CCDC144A: variants seen among roughly 807,000 people sequenced by gnomAD.
CCDC144A encodes coiled-coil domain containing 144A, also known as coiled-coil domain-containing protein 144A.
A neutral mutation model predicts 143.8 loss-of-function variants in CCDC144A; 41 were observed. The ratio of observed to expected loss-of-function variants is 0.29; its 90% CI spans 0.22 to 0.37. CCDC144A has a LOEUF of 0.37. CCDC144A is among the 10% of genes least tolerant of loss of function. The pLI is 1.00. For synonymous variants in CCDC144A, 242 were observed against 517.9 expected, an observed-to-expected ratio of 0.47 and a Z score of 7.23; for missense variants, 637 against 1,488.8, an observed-to-expected ratio of 0.43 and a Z score of 9.41.
At position 16,737,437 on chromosome 17, in the gene CCDC144A, A is replaced by G. The variant is rs574960787; in HGVS notation, c.3372+1794A>G. 529 of 1,214,860 alleles carry G rather than the reference A, an allele frequency of 4.4e-4. 4 individuals carry two copies. The highest frequency in any genetic ancestry group is 1.8e-3 in the East Asian group (31 of 17,432). 75.3% of individuals were successfully genotyped at this position (1,214,860 alleles called of 1,614,324 possible). A position where few individuals can be genotyped will look rare whatever the true frequency, so the allele number is the denominator to read the frequency against. ...CGCCTCGGCCTCCCAAAGTGCTGGG[A>G]TTACAGGCGTGAGCCACCGCGCCCG... On this transcript the variant is annotated intron_variant, in intron 12 of 16. Transcript: ENST00000399273.
chr17:16,687,567 T>A (rs1247591950), upstream of CCDC144A, among the ~76,000 whole-genome samples: 1 of 152,150 alleles, frequency 6.6e-6, no homozygotes, highest in Non-Finnish European at 1.5e-5. Context: ...ATCTCTGCCA[T>A]GTTCTCTTCC....
At chr17:16,753,380 A>G (rs1381497313) in intron 12 of CCDC144A, among the ~76,000 whole-genome samples, 1 of 138,918 alleles carries the variant, frequency 7.2e-6, no homozygotes, top group Non-Finnish European at 1.5e-5. Context: ...AGCATGCAAT[A>G]TCTTCCATGT....
intron 9 of CCDC144A, chr17:16,731,488 A>C: frequency 5.2e-6 from 1 of 191,434 alleles, no homozygotes; most frequent in African/African-American, 2.4e-5. Flanking sequence ...GCATAACGTG[A>C]AAAAGAAGTA....
At chr17:16,732,797 T>G in intron 11 of CCDC144A, 131 bp downstream of exon 11, 1 of 627,900 alleles carries the variant, frequency 1.6e-6, no homozygotes, top group Non-Finnish European at 2.5e-6. Context: ...ACACACACAT[T>G]TGGGGGTGGT....
intron 2 of CCDC144A, among the ~76,000 whole-genome samples, chr17:16,696,354 G>A (rs547296211): frequency 2.6e-5 from 3 of 116,466 alleles, no homozygotes; most frequent in Admixed American, 1.7e-4. Context: ...ATCTCGGGCC[G>A]GGCATGGTGG....
At chr17:16,754,564 A>G (rs903377832) in intron 12 of CCDC144A, among the ~76,000 whole-genome samples, 4 of 152,228 alleles carry the variant, frequency 2.6e-5, no homozygotes, top group African/African-American at 9.6e-5. Context: ...TGTACAGTTT[A>G]CAAAGTTTTT....
chr17:16,743,111 GTGCTTTTTTT>G, intron 12 of CCDC144A, among the ~76,000 whole-genome samples: 1 of 152,208 alleles, frequency 6.6e-6, no homozygotes, highest in Non-Finnish European at 1.5e-5. Flanking sequence ...TTTTATACCT[GTGCTTTTTTT>G]TGCATATGCC....
intron 2 of CCDC144A, among the ~76,000 whole-genome samples, chr17:16,698,139 C>T (rs1911524875): frequency 6.6e-6 from 1 of 151,834 alleles, no homozygotes; most frequent in Admixed American, 6.6e-5. Context: ...GTGAGCTTGT[C>T]CATGATGGGA....
In CCDC144A at chr17:16,746,614, A is replaced by G. The variant is rs867017708; in HGVS notation, c.3372+10971A>G. The G allele has an allele frequency of 1.1e-3, 1,719 of 1,613,330 alleles. 10 individuals carry two copies. The African/African-American group carries it at 0.02, about 19-fold the overall frequency. On this transcript the variant is annotated intron_variant, in intron 12 of 16. Coordinates refer to ENST00000399273, the MANE Select transcript of CCDC144A (RefSeq NM_001382000.1). ...AAAGAAGGATGTCATCAGGATTCCT[A>G]AAATTAATGTATGCTCTTGAGTAGA...
At chr17:16,760,109 G>C (rs1915292168) in intron 12 of CCDC144A, among the ~76,000 whole-genome samples, 1 of 152,204 alleles carries the variant, frequency 6.6e-6, no homozygotes, top group Non-Finnish European at 1.5e-5. Context: ...TGCATTTTAA[G>C]GACAAGCGTC....
chr17:16,724,804 T>G, intron 8 of CCDC144A, among the ~76,000 whole-genome samples: 1 of 112,916 alleles, frequency 8.9e-6, no homozygotes. Context: ...TTTTTTTTTT[T>G]TTTTTTTTTT....
chr17:16,754,095 C>T (rs564327515), intron 12 of CCDC144A, among the ~76,000 whole-genome samples: 8 of 152,312 alleles, frequency 5.3e-5, no homozygotes, highest in Admixed American at 2.6e-4. Context: ...ATTTTCCATA[C>T]GTTTCCAGTT....
the CCDC144A span, among the ~76,000 whole-genome samples, chr17:16,677,305 AT>A: frequency 6.6e-6 from 1 of 152,100 alleles, no homozygotes; most frequent in African/African-American, 2.4e-5. Flanking sequence ...CAAATGTAGA[AT>A]TTAAGCTTGG....
At chr17:16,720,799 A>G (rs147352832) in intron 8 of CCDC144A, 141 bp downstream of exon 8, 3 of 1,410,298 alleles carry the variant, frequency 2.1e-6, no homozygotes, top group Non-Finnish European at 2.8e-6. Context: ...CTTATACTCT[A>G]CGCCAAAGAG....
At chr17:16,726,237 C>T (rs563762521) in intron 8 of CCDC144A, among the ~76,000 whole-genome samples, 1 of 151,504 alleles carries the variant, frequency 6.6e-6, no homozygotes, top group African/African-American at 2.4e-5. Flanking sequence ...AAAAATTAGC[C>T]GGGCGCGGTG....
chr17:16,717,103 CT>C (rs1195816990), intron 6 of CCDC144A, among the ~76,000 whole-genome samples: 7,076 of 126,482 alleles, frequency 0.056, 564 homozygotes, highest in African/African-American at 0.19. Flanking sequence ...GCTCGGCCAG[CT>C]TTTTTTTTTT....
rs1341668913 is a variant in CCDC144A, at chr17:16,761,739, T to A, written c.3666+21T>A. The A allele has an allele frequency of 1.9e-5, 30 of 1,596,152 alleles. No homozygotes were observed. In the Admixed American group the frequency reaches 5.5e-4, roughly 29 times the overall value. ...TGCAGGTTGGTTTATTTATCTGTAA[T>A]GTGCTTTCATTCATTTCGCTGCAAA... On this transcript the variant is annotated intron_variant, in intron 13 of 16. Transcript: ENST00000399273.
At chr17:16,766,755 AAAAT>A (rs1328073056) in intron 15 of CCDC144A, among the ~76,000 whole-genome samples, 1 of 152,198 alleles carries the variant, frequency 6.6e-6, no homozygotes, top group Non-Finnish European at 1.5e-5. Flanking sequence ...TGGGGGAAAA[AAAAT>A]AAATAAAATA....
intron 2 of CCDC144A, among the ~76,000 whole-genome samples, chr17:16,702,224 T>C (rs917340800): frequency 7.9e-5 from 12 of 152,332 alleles, no homozygotes; most frequent in Admixed American, 7.2e-4. Context: ...TACCAGGTAG[T>C]ACTCCCTGGC....
Sources: gnomAD v4.1 joint callset for allele counts (sites outside exome capture counted in the v4.1 genomes callset) on GRCh38, gnomAD v4.1.1 for gene constraint, MANE v1.5 for transcripts, NCBI Gene and HGNC (gene_info 2026-07-23, HGNC 2026-07-21) for gene names.